Variants in TRIO observed in about 807,000 individuals in gnomAD.
The protein encoded by TRIO is trio Rho guanine nucleotide exchange factor.
TRIO carries 58 observed loss-of-function variants against 351.9 expected under a neutral mutation model. The ratio of observed to expected loss-of-function variants is 0.16; its 90% CI spans 0.13 to 0.21. The LOEUF (loss-of-function observed/expected upper bound fraction) is 0.21. Ranked by LOEUF, TRIO falls within the 10% of genes least tolerant of loss-of-function variation. The probability of loss-of-function intolerance (pLI) is 1.00; values close to 1 mark genes in which losing one functional copy is unlikely to be tolerated. For missense variants in TRIO, 3,201 were observed against 4,027.8 expected (o/e 0.79, Z 5.56); for synonymous variants, 1,758 against 1,595.7 (o/e 1.10, Z -2.42).
intron 11 of TRIO, among the ~76,000 whole-genome samples, chr5:14,356,561 T>G (rs1028121345): frequency 4.6e-5 from 7 of 152,348 alleles, no homozygotes; most frequent in Admixed American, 3.3e-4. Context: ...TTGGAAAAGC[T>G]TGGCAGTTTC....
intron 35 of TRIO, among the ~76,000 whole-genome samples, chr5:14,461,691 T>A (rs955944621): frequency 4.6e-5 from 7 of 152,116 alleles, no homozygotes; most frequent in Admixed American, 2.0e-4. Context: ...CTGCAGAAGA[T>A]TTGGGCAGTC....
At chr5:14,267,232 C>T (rs1052682599) in intron 1 of TRIO, among the ~76,000 whole-genome samples, 2 of 152,110 alleles carry the variant, frequency 1.3e-5, no homozygotes, top group East Asian at 3.8e-4. Flanking sequence ...CTCTTTGTGG[C>T]ACCCCCTTCC....
chr5:14,380,991 C>T, intron 20 of TRIO, 139 bp from the exon 21 acceptor site: 1 of 1,170,438 alleles, frequency 8.5e-7, no homozygotes, highest in Non-Finnish European at 1.2e-6. Context: ...ATTTAAGAAA[C>T]TTGCCTCTCT....
intron 11 of TRIO, 80 bp from the exon 12 acceptor site, chr5:14,358,098 T>C: frequency 6.7e-7 from 1 of 1,501,282 alleles, no homozygotes. Flanking sequence ...CCGTCTCCAC[T>C]GGGGCCCCTT....
At chr5:14,287,213 C>A in intron 4 of TRIO, 150 bp downstream of exon 4, 1 of 733,432 alleles carries the variant, frequency 1.4e-6, no homozygotes, top group Non-Finnish European at 2.2e-6. Flanking sequence ...TTAGTTACTG[C>A]ATGAAATAAC....
Position 14,458,894 on chromosome 5 carries a change from G to A in TRIO, c.5204-2125G>A, listed in dbSNP as rs531706044. On this transcript the variant is annotated intron_variant, in intron 34 of 56. Transcript: ENST00000344204. ...TTCCTACCTCCTTCCAGACCACACCGAAGGAAAGTGAGACTGATAGGGAAA... is the reference window on the plus strand; with the variant it reads ...TTCCTACCTCCTTCCAGACCACACCAAAGGAAAGTGAGACTGATAGGGAAA... Among the ~76,000 whole-genome samples the A allele has an allele frequency of 1.2e-4, 18 of 152,270 alleles. No homozygotes were observed. The South Asian group carries it at 3.3e-3, about 28-fold the overall frequency.
chr5:14,402,270 A>G lies in TRIO; in HGVS notation c.4716+1206A>G, dbSNP rs773258072. On this transcript the variant is annotated intron_variant, in intron 31 of 56. Coordinates refer to ENST00000344204, the MANE Select transcript of TRIO (RefSeq NM_007118.4). The stretch of plus-strand genomic sequence containing the variant: ...AGATGCCAAAAGGTGCTTCCAAAAA[A>G]TAGTGACAGATACTTTAGCCAGATC... 2.0e-5 allele frequency among the ~76,000 whole-genome samples: 3 copies of G among 152,260 alleles called. No individual in the cohort carries two copies. The South Asian group carries it at 6.2e-4, about 31-fold the overall frequency.
chr5:14,348,131 A>G (rs1056160776), intron 11 of TRIO, among the ~76,000 whole-genome samples: 1 of 152,222 alleles, frequency 6.6e-6, no homozygotes, highest in African/African-American at 2.4e-5. Flanking sequence ...ACAGTTGTCC[A>G]GTCCCTATGT....
chr5:14,417,605 C>T (rs1749750941), intron 33 of TRIO, among the ~76,000 whole-genome samples: 1 of 152,178 alleles, frequency 6.6e-6, no homozygotes, highest in Non-Finnish European at 1.5e-5. Flanking sequence ...TTTCCTCCTC[C>T]CTTCTCTCAC....
chr5:14,269,865 G>T (rs1795886833), intron 1 of TRIO, among the ~76,000 whole-genome samples: 1 of 152,206 alleles, frequency 6.6e-6, no homozygotes, highest in African/African-American at 2.4e-5. Flanking sequence ...AAACACAAAT[G>T]GGGGTGGGGA....
rs57424190 is a variant in TRIO, at chr5:14,291,788, T to TAAAAA, written c.1053+584_1053+588dup. 3.6e-3 allele frequency among the ~76,000 whole-genome samples: 362 copies of TAAAAA among 100,886 alleles called. 12 individuals are homozygous for TAAAAA. The highest frequency in any genetic ancestry group is 0.015 in the African/African-American group (337 of 22,468). The allele number at this position is 100,886 out of a possible 152,430, so 66.2% of individuals were successfully genotyped here. ...TGGGCGACAGAGTGAGACTCCGTCTTAAAAAAAAAAAAAAAAAAAAAAAAA... is the reference window on the plus strand; with the variant it reads ...TGGGCGACAGAGTGAGACTCCGTCTTAAAAAAAAAAAAAAAAAAAAAAAAAAAAAA... On this transcript the variant is annotated intron_variant, in intron 5 of 56. Transcript: ENST00000344204.
intron 1 of TRIO, among the ~76,000 whole-genome samples, chr5:14,209,886 A>G (rs1791775497): frequency 6.6e-6 from 1 of 152,216 alleles, no homozygotes; most frequent in Non-Finnish European, 1.5e-5. Flanking sequence ...GCACAGAGGG[A>G]CAGAGGCAGT....
intron 8 of TRIO, among the ~76,000 whole-genome samples, chr5:14,315,668 C>G (rs985214091): frequency 2.6e-5 from 4 of 152,210 alleles, no homozygotes; most frequent in Non-Finnish European, 4.4e-5. Flanking sequence ...CCTTATGCAT[C>G]TCACACACAC....
chr5:14,359,241 C>T (rs1743907765), intron 12 of TRIO, 116 bp from the exon 13 acceptor site: 1 of 1,269,100 alleles, frequency 7.9e-7, no homozygotes, highest in Non-Finnish European at 1.1e-6. Flanking sequence ...TTTTCTGAGA[C>T]AAGCAGTGCA....
At chr5:14,476,592 G>C (rs1755091959) in intron 40 of TRIO, among the ~76,000 whole-genome samples, 1 of 152,154 alleles carries the variant, frequency 6.6e-6, no homozygotes, top group Admixed American at 6.5e-5. Context: ...AGGAGTTTGA[G>C]ACCAGCCTGG....
At chr5:14,360,706 G>T (rs1240620275) in intron 13 of TRIO, among the ~76,000 whole-genome samples, 11 of 152,212 alleles carry the variant, frequency 7.2e-5, no homozygotes, top group Non-Finnish European at 1.3e-4. Flanking sequence ...CTGCCCTGGG[G>T]AGTGGTTTTG....
At chr5:14,476,437 A>G (rs1420591291) in intron 40 of TRIO, among the ~76,000 whole-genome samples, 1 of 152,210 alleles carries the variant, frequency 6.6e-6, no homozygotes, top group African/African-American at 2.4e-5. Flanking sequence ...TTAAGTTTCC[A>G]TATATTTGTT....
intron 7 of TRIO, among the ~76,000 whole-genome samples, chr5:14,303,205 T>G (rs1738060561): frequency 2.7e-5 from 3 of 111,250 alleles, no homozygotes; most frequent in African/African-American, 1.2e-4. Context: ...ATCCTGGAGA[T>G]GGGGGGTGTC....
chr5:14,425,658 G>A (rs1300460170), intron 34 of TRIO, among the ~76,000 whole-genome samples: 1 of 152,176 alleles, frequency 6.6e-6, no homozygotes, highest in Non-Finnish European at 1.5e-5. Flanking sequence ...AACCGCCAAT[G>A]TGATGGTATT....
Sources: allele counts gnomAD v4.1 joint callset (sites outside exome capture counted in the v4.1 genomes callset), GRCh38; gene constraint gnomAD v4.1.1; transcripts MANE v1.5; gene names NCBI Gene and HGNC (gene_info 2026-07-23, HGNC 2026-07-21).